The following PDE7B variants were observed in gnomAD, a reference collection of about 807,000 sequenced individuals.
PDE7B encodes the protein phosphodiesterase 7B.
Under a neutral mutation model 56.2 loss-of-function variants are expected in PDE7B, and 29 were observed. The observed-to-expected ratio is 0.52, with a 90% CI of 0.38 to 0.70. PDE7B has a LOEUF of 0.70. Among genes scored for constraint, PDE7B ranks in the 30% least tolerant of loss-of-function variants. PDE7B has a pLI of 0.00. For missense variants in PDE7B, 490 were observed against 565.0 expected, an observed-to-expected ratio of 0.87 and a Z score of 1.35; for synonymous variants, 197 against 196.9, an observed-to-expected ratio of 1.00 and a Z score of 0.00.
chr6:135,892,191 A>G (rs1267829954), intron 1 of PDE7B, among the ~76,000 whole-genome samples: 2 of 152,134 alleles, frequency 1.3e-5, no homozygotes, highest in Non-Finnish European at 2.9e-5. Flanking sequence ...TCATGACTTT[A>G]TATTCCTGCC....
intron 2 of PDE7B, among the ~76,000 whole-genome samples, chr6:136,096,881 C>G (rs1004627039): frequency 6.6e-6 from 1 of 152,016 alleles, no homozygotes; most frequent in East Asian, 1.9e-4. Flanking sequence ...CTCTCTGTGT[C>G]TCTCTCTCAC....
intron 2 of PDE7B, among the ~76,000 whole-genome samples, chr6:136,022,269 C>A (rs752185688): frequency 1.3e-5 from 2 of 152,184 alleles, no homozygotes; most frequent in African/African-American, 2.4e-5. Flanking sequence ...TTTTTGTGTG[C>A]TTTTCAACGT....
chr6:136,168,034 G>C (rs1778822958), intron 8 of PDE7B, among the ~76,000 whole-genome samples: 1 of 152,164 alleles, frequency 6.6e-6, no homozygotes. Context: ...AGTATTTGAA[G>C]TGAACTTTGA....
rs866782778 is a variant in PDE7B at position 136,194,083 on chromosome 6, C to T, written c.*2243C>T. The T allele has an allele frequency of 3.9e-5, 6 of 151,978 alleles. No individual in the cohort carries two copies. The highest frequency in any genetic ancestry group is 9.7e-5 in the African/African-American group (4 of 41,354). The allele number at this position is 151,978 out of a possible 1,614,324, so 9.4% of individuals were successfully genotyped here. A position where few individuals can be genotyped will look rare whatever the true frequency, so the allele number is the denominator to read the frequency against. On this transcript the variant is annotated 3_prime_UTR_variant, in exon 13 of 13. Coordinates refer to ENST00000308191, the MANE Select transcript of PDE7B (RefSeq NM_018945.4). Reference sequence around the variant, plus strand: ...CAAAAGAGAATATGTCAGATGTATTCCTACTTCCAAACCTGTCTTACTTTG... The same window carrying T: ...CAAAAGAGAATATGTCAGATGTATTTCTACTTCCAAACCTGTCTTACTTTG...
At chr6:136,066,046 GTTTGT>G (rs56280881) in intron 2 of PDE7B, among the ~76,000 whole-genome samples, 58,776 of 151,500 alleles carry the variant, frequency 0.39, 11,419 homozygotes, top group South Asian at 0.48. Context: ...TTTTTTGTTT[GTTTGT>G]TTTAAGTTTT....
chr6:135,906,158 A>G (rs575932340), intron 1 of PDE7B, among the ~76,000 whole-genome samples: 1 of 152,258 alleles, frequency 6.6e-6, no homozygotes, highest in African/African-American at 2.4e-5. Context: ...GAGACTCAGG[A>G]TATTTTAGTC....
chr6:136,037,526 G>A (rs1200737164), intron 2 of PDE7B: 1 of 985,342 alleles, frequency 1.0e-6, no homozygotes, highest in Non-Finnish European at 1.2e-6. Context: ...ACTGGTCTTG[G>A]TGACTGGGCA....
At chr6:135,913,497 T>C (rs1048525933) in intron 1 of PDE7B, among the ~76,000 whole-genome samples, 1 of 152,198 alleles carries the variant, frequency 6.6e-6, no homozygotes, top group African/African-American at 2.4e-5. Context: ...ATAACACCTA[T>C]GCCTCCTGGC....
chr6:135,900,004 A>G (rs1428622766), intron 1 of PDE7B, among the ~76,000 whole-genome samples: 1 of 152,156 alleles, frequency 6.6e-6, no homozygotes, highest in African/African-American at 2.4e-5. Flanking sequence ...AATTCTAGTT[A>G]TTTCTCTATC....
At chr6:135,902,285 G>A (rs1418115873) in intron 1 of PDE7B, among the ~76,000 whole-genome samples, 2 of 151,690 alleles carry the variant, frequency 1.3e-5, no homozygotes, top group South Asian at 2.1e-4. Context: ...GTCAATGGAA[G>A]CAGAGCACAC....
chr6:135,968,963 G>T (rs1440530077), intron 2 of PDE7B, among the ~76,000 whole-genome samples: 1 of 152,118 alleles, frequency 6.6e-6, no homozygotes, highest in African/African-American at 2.4e-5. Flanking sequence ...GCCATAAAAC[G>T]GAATGAGATC....
intron 3 of PDE7B, among the ~76,000 whole-genome samples, chr6:136,124,913 G>A (rs965671403): frequency 1.3e-5 from 2 of 152,278 alleles, no homozygotes; most frequent in Admixed American, 6.5e-5. Context: ...TATTTGTGAA[G>A]ATTATCAATA....
intron 1 of PDE7B, among the ~76,000 whole-genome samples, chr6:135,863,692 A>G: frequency 7.2e-6 from 1 of 138,660 alleles, no homozygotes; most frequent in South Asian, 2.3e-4. Flanking sequence ...ATCCCTTCCA[A>G]TTTTTTTTTT....
chr6:135,979,618 G>A (rs1775257889), intron 2 of PDE7B, among the ~76,000 whole-genome samples: 1 of 152,084 alleles, frequency 6.6e-6, no homozygotes, highest in Admixed American at 6.6e-5. Flanking sequence ...GAGTGTATGT[G>A]TAAAAATCAC....
At chr6:135,920,818 G>A (rs1048637878) in intron 1 of PDE7B, among the ~76,000 whole-genome samples, 36 of 152,116 alleles carry the variant, frequency 2.4e-4, no homozygotes, top group African/African-American at 7.5e-4. Flanking sequence ...CATTTCCTGC[G>A]CAGAGTATCC....
intron 6 of PDE7B, 25 bp from the exon 7 acceptor site, chr6:136,154,050 A>G: frequency 1.3e-6 from 2 of 1,544,056 alleles, no homozygotes; most frequent in Non-Finnish European, 1.8e-6. Context: ...GTTTTAGTTG[A>G]TTGAGTTATC....
intron 2 of PDE7B, among the ~76,000 whole-genome samples, chr6:136,088,558 A>G (rs560321287): frequency 6.6e-6 from 1 of 152,310 alleles, no homozygotes; most frequent in Admixed American, 6.5e-5. Context: ...TTAGAAGTCA[A>G]GTGGACAAAA....
Position 136,147,750 on chromosome 6 carries a change from T to G in PDE7B, c.318+248T>G, listed in dbSNP as rs548107323. Among the ~76,000 whole-genome samples the G allele has an allele frequency of 9.8e-5, 15 of 152,330 alleles. No homozygotes were observed. In the East Asian group the frequency reaches 1.5e-3, roughly 16 times the overall value. On this transcript the variant is annotated intron_variant, in intron 4 of 12. Coordinates refer to ENST00000308191, the MANE Select transcript of PDE7B (RefSeq NM_018945.4). ...ACCCATGCCTAACACATACTAGCCATTTTCATTTTTATAAAGGTACAAAAC... is the reference window on the plus strand; with the variant it reads ...ACCCATGCCTAACACATACTAGCCAGTTTCATTTTTATAAAGGTACAAAAC...
intron 2 of PDE7B, among the ~76,000 whole-genome samples, chr6:136,097,659 C>T (rs1777490025): frequency 6.6e-6 from 1 of 152,174 alleles, no homozygotes. Context: ...CTAATTCTCT[C>T]AGGAATTCTC....
Sources: gnomAD v4.1 joint callset for allele counts (sites outside exome capture counted in the v4.1 genomes callset) on GRCh38, gnomAD v4.1.1 for gene constraint, MANE v1.5 for transcripts, NCBI Gene and HGNC (gene_info 2026-07-23, HGNC 2026-07-21) for gene names.